PTPRN: variants seen among roughly 807,000 people sequenced by gnomAD.
The protein encoded by PTPRN is protein tyrosine phosphatase receptor type N.
A neutral mutation model predicts 108.5 loss-of-function variants in PTPRN; 70 were observed. The observed-to-expected ratio is 0.65, with a 90% CI of 0.53 to 0.79. The LOEUF is 0.79. Among genes scored for constraint, PTPRN ranks in the 30% least tolerant of loss-of-function variants. The probability of loss-of-function intolerance (pLI) is 0.00; values close to 1 mark genes in which losing one functional copy is unlikely to be tolerated. For missense variants in PTPRN, 1,136 were observed against 1,295.5 expected (o/e 0.88, Z 1.89); for synonymous variants, 496 against 524.6 (o/e 0.95, Z 0.75).
At position 219,296,756 on chromosome 2, in the gene PTPRN, C is replaced by T; in HGVS notation, c.2303G>A (p.Ser768Asn). Residue 768 changes from serine to asparagine, a missense_variant, in exon 16 of 23, where the codon AGC becomes AAC. Coordinates refer to ENST00000295718, the MANE Select transcript of PTPRN (RefSeq NM_002846.4). The surrounding 1 kb of genome is among the most constrained non-coding windows in gnomAD (Gnocchi z 6.0). ...GGAGTCAGGGCCACTCACAATGGGGCTGGCGTTGATGTAATCGCTCCGAGA... is the reference window on the plus strand; with the variant it reads ...GGAGTCAGGGCCACTCACAATGGGGTTGGCGTTGATGTAATCGCTCCGAGA... ...SPSRSDYINASPIIEHDPRMP... is the reference protein window; with the variant it reads ...SPSRSDYINANPIIEHDPRMP... 1 of 1,613,918 alleles carries T rather than the reference C, an allele frequency of 6.2e-7. No individual in the cohort carries two copies. The highest frequency in any genetic ancestry group is 8.5e-7 in the Non-Finnish European group (1 of 1,179,928).
At chr2:219,305,656 G>T (rs546085317) in intron 3 of PTPRN, among the ~76,000 whole-genome samples, 4 of 152,238 alleles carry the variant, frequency 2.6e-5, no homozygotes, top group Admixed American at 6.5e-5. Flanking sequence ...ATATGCCAAA[G>T]AATTCCAAAT....
chr2:219,309,310 C>T lies in PTPRN; in HGVS notation c.23G>A (p.Gly8Glu). MRRPRRPGGLGGSGGLRL... is the reference protein window; with the variant it reads MRRPRRPEGLGGSGGLRL... Reference sequence around the variant, plus strand: ...GAGACCCCCGGATCCCCCGAGACCCCCAGGCCGCCGCGGGCGCCGCATCTT... The same window carrying T: ...GAGACCCCCGGATCCCCCGAGACCCTCAGGCCGCCGCGGGCGCCGCATCTT... Residue 8 changes from glycine (G) to glutamate (E), a missense_variant, in exon 1 of 23, where the codon GGG (glycine) becomes GAG (glutamate). Coordinates refer to ENST00000295718, the MANE Select transcript of PTPRN (RefSeq NM_002846.4). The T allele has an allele frequency of 6.7e-7, 1 of 1,492,698 alleles. No individual in the cohort carries two copies. Among genetic ancestry groups the T allele is most frequent in the Non-Finnish European group, 8.9e-7 (1 of 1,125,240 alleles). The allele number at this position is 1,492,698 out of a possible 1,614,324, so 92.5% of individuals were successfully genotyped here. A position where few individuals can be genotyped will look rare whatever the true frequency, so the allele number is the denominator to read the frequency against.
At chr2:219,298,172 G>A (rs1201905223) in intron 12 of PTPRN, 69 bp from the exon 13 acceptor site, 17 of 1,468,878 alleles carry the variant, frequency 1.2e-5, no homozygotes, top group South Asian at 9.4e-5. Flanking sequence ...TCCTCACCCC[G>A]GTCCCATGCC....
intron 3 of PTPRN, among the ~76,000 whole-genome samples, chr2:219,305,876 G>A (rs78426839): frequency 0.035 from 5,375 of 152,146 alleles, 141 homozygotes; most frequent in Middle Eastern, 0.082. Flanking sequence ...CTGGCTGAGC[G>A]CGGTTGCTCA....
At chr2:219,308,155 T>G in intron 1 of PTPRN, 2 of 349,006 alleles carry the variant, frequency 5.7e-6, no homozygotes, top group Non-Finnish European at 5.2e-6. Flanking sequence ...TTTGGCCAAA[T>G]TCTGAAAGAG....
chr2:219,305,889 C>T (rs761615573), intron 3 of PTPRN, among the ~76,000 whole-genome samples: 10 of 152,160 alleles, frequency 6.6e-5, no homozygotes, highest in Non-Finnish European at 1.2e-4. Context: ...GTTGCTCACA[C>T]CTGTAATCCC....
rs1191400631 is a variant in PTPRN at position 219,309,306 on chromosome 2, AC to A, written c.26del (p.Gly9ValfsTer17). 6.7e-7 allele frequency: 1 copy of A among 1,491,626 alleles called. No homozygotes were observed. Among genetic ancestry groups the A allele is most frequent in the Admixed American group, 2.2e-5 (1 of 44,786 alleles). 92.4% of individuals were successfully genotyped at this position (1,491,626 alleles called of 1,614,324 possible). A position where few individuals can be genotyped will look rare whatever the true frequency, so the allele number is the denominator to read the frequency against. On this transcript the variant is annotated frameshift_variant, in exon 1 of 23. Coordinates refer to ENST00000295718, the MANE Select transcript of PTPRN (RefSeq NM_002846.4). LOFTEE classifies it high-confidence loss of function. Reference sequence around the variant, plus strand: ...GCCGGAGACCCCCGGATCCCCCGAGACCCCCAGGCCGCCGCGGGCGCCGCAT... The same window carrying A: ...GCCGGAGACCCCCGGATCCCCCGAGACCCCAGGCCGCCGCGGGCGCCGCAT... MRRPRRPG[G>X]LGGSGGLRLL...
chr2:219,299,391 G>A lies in PTPRN; in HGVS notation c.1524-7C>T. ...GAGGGCTGGTCCCACCACACTGCCA[G>A]ATAGGAGCTATGTTACTGCCTTCTC... On this transcript the variant is annotated splice_region_variant and splice_polypyrimidine_tract_variant and intron_variant, in intron 10 of 22. Coordinates refer to ENST00000295718, the MANE Select transcript of PTPRN (RefSeq NM_002846.4). The A allele has an allele frequency of 6.2e-7, 1 of 1,613,982 alleles. No individual in the cohort carries two copies. The highest frequency in any genetic ancestry group is 8.5e-7 in the Non-Finnish European group (1 of 1,179,792).
Position 219,290,386 on chromosome 2 carries a change from C to G in PTPRN, c.2869-89G>C. 2 of 1,430,486 alleles carry G rather than the reference C, an allele frequency of 1.4e-6. No homozygotes were observed. The highest frequency in any genetic ancestry group is 2.4e-5 in the East Asian group (1 of 41,126). 88.6% of individuals were successfully genotyped at this position (1,430,486 alleles called of 1,614,324 possible). A position where few individuals can be genotyped will look rare whatever the true frequency, so the allele number is the denominator to read the frequency against. The stretch of plus-strand genomic sequence containing the variant: ...GGGGGCTTTTGGTGGGGGGAGGGCC[C>G]TGGGCAGGTCCCCTGGGAGGAAGGG... On this transcript the variant is annotated intron_variant, in intron 22 of 22. Transcript: ENST00000295718. This position sits in a 1 kb window ranked among gnomAD's most constrained non-coding sequence, Gnocchi z 4.2.
Position 219,298,113 on chromosome 2 carries a change from C to T in PTPRN, c.1669-10G>A. On this transcript the variant is annotated splice_polypyrimidine_tract_variant and intron_variant, in intron 12 of 22. Transcript: ENST00000295718. Reference sequence around the variant, plus strand: ...CAGCTGCCTCCTCCCTCTGTGGGAACAAGGCTAGAATCAAGGGAGGCAGTG... The same window carrying T: ...CAGCTGCCTCCTCCCTCTGTGGGAATAAGGCTAGAATCAAGGGAGGCAGTG... 1 of 1,610,072 alleles carries T rather than the reference C, an allele frequency of 6.2e-7. No homozygotes were observed. The highest frequency in any genetic ancestry group is 1.1e-5 in the South Asian group (1 of 91,066).
At position 219,301,658 on chromosome 2, in the gene PTPRN, C is replaced by G. The variant is rs1415704406; in HGVS notation, c.1056G>C (p.Leu352=). The G allele has an allele frequency of 1.2e-6, 2 of 1,613,668 alleles. No individual in the cohort carries two copies. The highest frequency in any genetic ancestry group is 4.5e-5 in the East Asian group (2 of 44,872). Residue 352 remains leucine (L), a synonymous_variant, in exon 7 of 23, where the codon CTG becomes CTC. Coordinates refer to ENST00000295718, the MANE Select transcript of PTPRN (RefSeq NM_002846.4). ...LAGYGVELRQ[L]TPEQLSTLLT... The stretch of plus-strand genomic sequence containing the variant: ...GGAGTGTGGAGAGCTGCTCAGGGGT[C>G]AGCTGACGCAGCTCTACCCCATAGC...
rs1157029835 is a variant in PTPRN at position 219,298,073 on chromosome 2, T to C, written c.1699A>G (p.Thr567Ala). 1 of 1,613,782 alleles carries C rather than the reference T, an allele frequency of 6.2e-7. No individual in the cohort carries two copies. The highest frequency in any genetic ancestry group is 1.7e-5 in the Admixed American group (1 of 60,026). Residue 567 changes from threonine (T) to alanine (A), a missense_variant, in exon 13 of 23, where the codon ACT becomes GCT. Coordinates refer to ENST00000295718, the MANE Select transcript of PTPRN (RefSeq NM_002846.4). ...REEAAAVLPQ[T>A]AHSTSPMRSV... is the part of the protein sequence containing the mutation. Reference sequence around the variant, plus strand: ...CGCATGGGTGAGGTGCTGTGCGCAGTTTGGGGAAGGACTGCAGCTGCCTCC... The same window carrying C: ...CGCATGGGTGAGGTGCTGTGCGCAGCTTGGGGAAGGACTGCAGCTGCCTCC...
intron 9 of PTPRN, 84 bp downstream of exon 9, chr2:219,299,901 C>T (rs1952298973): frequency 1.3e-6 from 2 of 1,582,628 alleles, no homozygotes; most frequent in Admixed American, 1.7e-5. Context: ...CCCTGCACGT[C>T]TGGATTTCTG....
chr2:219,296,730 T>C lies in PTPRN; in HGVS notation c.2310+19A>G. ...ATAATGATGGGGCAGAGGTGGGGGC[T>C]GGAGTCAGGGCCACTCACAATGGGG... On this transcript the variant is annotated intron_variant, in intron 16 of 22. Coordinates refer to ENST00000295718, the MANE Select transcript of PTPRN (RefSeq NM_002846.4). The surrounding 1 kb of genome is among the most constrained non-coding windows in gnomAD (Gnocchi z 6.0). The C allele has an allele frequency of 6.2e-7, 1 of 1,613,100 alleles. No individual in the cohort carries two copies. The highest frequency in any genetic ancestry group is 2.2e-5 in the East Asian group (1 of 44,806).
At position 219,303,834 on chromosome 2, in the gene PTPRN, G is replaced by A. The variant is rs774380022; in HGVS notation, c.281-3C>T. On this transcript the variant is annotated splice_polypyrimidine_tract_variant and splice_region_variant and intron_variant, in intron 3 of 22. Coordinates refer to ENST00000295718, the MANE Select transcript of PTPRN (RefSeq NM_002846.4). The stretch of plus-strand genomic sequence containing the variant: ...GAGGTCATCGTGCCAGGACAATCCT[G>A]TCAGGAAAGAGGACAGCGTAAGTTG... 6.2e-7 allele frequency: 1 copy of A among 1,608,200 alleles called. No homozygotes were observed. Among genetic ancestry groups the A allele is most frequent in the African/African-American group, 1.3e-5 (1 of 74,834 alleles).
At chr2:219,305,931 C>T (rs979867270) in intron 3 of PTPRN, among the ~76,000 whole-genome samples, 1 of 152,208 alleles carries the variant, frequency 6.6e-6, no homozygotes, top group Non-Finnish European at 1.5e-5. Flanking sequence ...AGATGGATCA[C>T]TTGAGGTTAG....
Position 219,296,866 on chromosome 2 carries a change from T to C in PTPRN, c.2237-44A>G. ...CCACCCCAGATGGCCCTCTGGTCAT[T>C]GGCATCGCGGGACCTCTGCCACTCA... On this transcript the variant is annotated intron_variant, in intron 15 of 22. Coordinates refer to ENST00000295718, the MANE Select transcript of PTPRN (RefSeq NM_002846.4). The surrounding 1 kb of genome is among the most constrained non-coding windows in gnomAD (Gnocchi z 6.0). 1 of 1,613,666 alleles carries C rather than the reference T, an allele frequency of 6.2e-7. No homozygotes were observed. The highest frequency in any genetic ancestry group is 8.5e-7 in the Non-Finnish European group (1 of 1,179,720).
chr2:219,299,587 A>G, intron 10 of PTPRN, 113 bp downstream of exon 10: 1 of 1,209,650 alleles, frequency 8.3e-7, no homozygotes, highest in Non-Finnish European at 1.2e-6. Context: ...AGCTGGGAGC[A>G]TCCCTGAGCT....
intron 7 of PTPRN, 145 bp from the exon 8 acceptor site, chr2:219,301,122 G>T: frequency 1.3e-6 from 1 of 784,824 alleles, no homozygotes. Context: ...CCTGTTACTG[G>T]TCTCATCCTA....
Sources: gnomAD v4.1 joint callset for allele counts (sites outside exome capture counted in the v4.1 genomes callset) on GRCh38, gnomAD v4.1.1 for gene constraint, Gnocchi (gnomAD v3.1) non-coding constraint, MANE v1.5 for transcripts, NCBI Gene and HGNC (gene_info 2026-07-23, HGNC 2026-07-21) for gene names.